CACNA1C: variants seen among roughly 807,000 people sequenced by gnomAD.
CACNA1C encodes calcium voltage-gated channel subunit alpha1 C, also known as voltage-dependent L-type calcium channel subunit alpha-1C.
Under a neutral mutation model 229.0 loss-of-function variants are expected in CACNA1C, and 30 were observed. That is an observed-to-expected ratio of 0.13 (90% CI 0.10 to 0.18). CACNA1C has a LOEUF of 0.18. Among genes scored for constraint, CACNA1C ranks in the 10% least tolerant of loss-of-function variants. CACNA1C has a pLI of 1.00. For missense variants in CACNA1C, 1,658 were observed against 2,845.0 expected, an observed-to-expected ratio of 0.58 and a Z score of 9.49; for synonymous variants, 1,114 against 1,132.5, an observed-to-expected ratio of 0.98 and a Z score of 0.33.
chr12:2,451,132 T>A (rs2099365381), intron 4 of CACNA1C, among the ~76,000 whole-genome samples: 1 of 152,292 alleles, frequency 6.6e-6, no homozygotes, highest in South Asian at 2.1e-4. Flanking sequence ...ATTAGCCAGG[T>A]CTAGCTCTGG....
intron 10 of CACNA1C, among the ~76,000 whole-genome samples, chr12:2,551,902 G>A (rs2154592257): frequency 6.6e-6 from 1 of 152,252 alleles, no homozygotes; most frequent in Middle Eastern, 3.4e-3. Context: ...GTGACCTGCG[G>A]GTGTCATGGA....
At chr12:2,106,580 C>T (rs2078775016) in intron 1 of CACNA1C, among the ~76,000 whole-genome samples, 1 of 121,880 alleles carries the variant, frequency 8.2e-6, no homozygotes, top group Non-Finnish European at 1.8e-5. Flanking sequence ...CCTGAAGCCA[C>T]TGGGTGCTCA....
intron 3 of CACNA1C, among the ~76,000 whole-genome samples, chr12:2,302,226 A>C (rs1370642209): frequency 6.6e-6 from 1 of 151,972 alleles, no homozygotes; most frequent in Non-Finnish European, 1.5e-5. Flanking sequence ...CCCATTCGCC[A>C]TTCTCTCCCA....
At position 2,022,463 on chromosome 12, in the gene CACNA1C, CTT is replaced by C. The variant is rs71057815; in HGVS notation, c.139+51278_139+51279del. On this transcript the variant is annotated intron_variant, in intron 1 of 46. Transcript: ENST00000682462. ...GTGACCAGAAAGATGCCCTAAGGAACTTTTTTTTTTTTTTTTTGAGACAGAGT... is the reference window on the plus strand; with the variant it reads ...GTGACCAGAAAGATGCCCTAAGGAACTTTTTTTTTTTTTTTGAGACAGAGT... Among the ~76,000 whole-genome samples, 704 of 133,556 alleles carry C rather than the reference CTT, an allele frequency of 5.3e-3. 4 individuals are homozygous for C. The highest frequency in any genetic ancestry group is 0.018 in the South Asian group (73 of 4,160). The allele number at this position is 133,556 out of a possible 152,430, so 87.6% of individuals were successfully genotyped here. A position where few individuals can be genotyped will look rare whatever the true frequency, so the allele number is the denominator to read the frequency against.
At chr12:2,241,485 C>T (rs1030913818) in intron 3 of CACNA1C, among the ~76,000 whole-genome samples, 1 of 152,198 alleles carries the variant, frequency 6.6e-6, no homozygotes, top group East Asian at 1.9e-4. Context: ...AATTGCAAAA[C>T]GTGTGCAGCC....
rs2091588431 is a variant in CACNA1C at position 2,633,732 on chromosome 12, C to T, written c.3829-565C>T. ...ACTAATGTGAGTATTACTCTGCCCTCCCCAGGAAACCTCCTCATTCCTCCT... is the reference window on the plus strand; with the variant it reads ...ACTAATGTGAGTATTACTCTGCCCTTCCCAGGAAACCTCCTCATTCCTCCT... On this transcript the variant is annotated intron_variant, in intron 29 of 46. Coordinates refer to ENST00000399655, the MANE Select transcript of CACNA1C (RefSeq NM_000719.7). The surrounding 1 kb of genome is among the most constrained non-coding windows in gnomAD (Gnocchi z 5.8). The T allele has an allele frequency of 4.5e-6, 6 of 1,320,928 alleles. No homozygotes were observed. The highest frequency in any genetic ancestry group is 5.5e-6 in the Non-Finnish European group (5 of 913,768). 81.8% of individuals were successfully genotyped at this position (1,320,928 alleles called of 1,614,324 possible). A position where few individuals can be genotyped will look rare whatever the true frequency, so the allele number is the denominator to read the frequency against.
At chr12:2,600,341 C>CATTTA (rs1322799913) in intron 21 of CACNA1C, among the ~76,000 whole-genome samples, 2 of 152,170 alleles carry the variant, frequency 1.3e-5, no homozygotes, top group Non-Finnish European at 2.9e-5. Flanking sequence ...CTTTGGGACC[C>CATTTA]CCTGCTGCAA....
At chr12:2,035,596 G>T (rs952416551) in intron 1 of CACNA1C, among the ~76,000 whole-genome samples, 1 of 152,224 alleles carries the variant, frequency 6.6e-6, no homozygotes, top group South Asian at 2.1e-4. Context: ...CTGTGTAAGT[G>T]CGCGGACTCA....
At chr12:2,328,447 G>A (rs1567078035) in intron 3 of CACNA1C, among the ~76,000 whole-genome samples, 1 of 152,186 alleles carries the variant, frequency 6.6e-6, no homozygotes, top group Non-Finnish European at 1.5e-5. Flanking sequence ...CCCCAGAATG[G>A]GTGTTAGAAT....
chr12:2,312,665 A>C (rs2095499552), intron 3 of CACNA1C, among the ~76,000 whole-genome samples: 1 of 152,112 alleles, frequency 6.6e-6, no homozygotes, highest in African/African-American at 2.4e-5. Flanking sequence ...ACCCAATACT[A>C]ATAGTGGTCT....
At chr12:2,221,254 G>T (rs542983150) in intron 3 of CACNA1C, among the ~76,000 whole-genome samples, 4 of 152,320 alleles carry the variant, frequency 2.6e-5, no homozygotes, top group Admixed American at 1.3e-4. Context: ...GATCATGACT[G>T]GTAGGGAGGG....
chr12:2,150,497 T>C (rs941257588), intron 3 of CACNA1C, among the ~76,000 whole-genome samples: 1 of 152,146 alleles, frequency 6.6e-6, no homozygotes, highest in Non-Finnish European at 1.5e-5. Flanking sequence ...CATCATGATA[T>C]TCCGCCCTCT....
At chr12:2,272,138 G>A (rs943791941) in intron 3 of CACNA1C, among the ~76,000 whole-genome samples, 5 of 152,126 alleles carry the variant, frequency 3.3e-5, no homozygotes, top group Non-Finnish European at 7.4e-5. Flanking sequence ...TTGCTTGTCT[G>A]GAGATGCAGG....
chr12:2,517,890 T>C (rs7308117), intron 9 of CACNA1C, among the ~76,000 whole-genome samples: 1 of 152,228 alleles, frequency 6.6e-6, no homozygotes, highest in African/African-American at 2.4e-5. Flanking sequence ...CTATTAAATA[T>C]CCATCCTTAC....
intron 45 of CACNA1C, among the ~76,000 whole-genome samples, chr12:2,687,459 C>T (rs1340743847): frequency 6.6e-6 from 1 of 152,128 alleles, no homozygotes; most frequent in Non-Finnish European, 1.5e-5. Flanking sequence ...GGCAGGTTGT[C>T]ATGGCAACAG....
Position 2,585,850 on chromosome 12 carries a change from C to G in CACNA1C, c.2476C>G (p.Leu826Val). ...GACTGTCTAGATCAACATGGATGACCTCCAGCCCAATGAAAATGAGGATAA... is the reference window on the plus strand; with the variant it reads ...GACTGTCTAGATCAACATGGATGACGTCCAGCCCAATGAAAATGAGGATAA... ...PPATKINMDD[L>V]QPNENEDKSP... Residue 826 changes from leucine (L) to valine (V), a missense_variant, in exon 18 of 47, where the codon CTC becomes GTC. By Grantham distance (32) the Leu-to-Val change is conservative. Transcript: ENST00000399655. This position sits in a 1 kb window ranked among gnomAD's most constrained non-coding sequence, Gnocchi z 4.1. 3.1e-6 allele frequency: 5 copies of G among 1,609,010 alleles called. No individual in the cohort carries two copies. Among genetic ancestry groups the G allele is most frequent in the Non-Finnish European group, 4.2e-6 (5 of 1,177,322 alleles).
chr12:2,411,270 T>A (rs2098804429), intron 3 of CACNA1C, among the ~76,000 whole-genome samples: 1 of 151,906 alleles, frequency 6.6e-6, no homozygotes, highest in African/African-American at 2.4e-5. Flanking sequence ...AGGCAGGCCT[T>A]ATATAGACAG....
chr12:2,541,234 T>G (rs545505898), intron 9 of CACNA1C, among the ~76,000 whole-genome samples: 19 of 152,270 alleles, frequency 1.2e-4, no homozygotes, highest in African/African-American at 4.3e-4. Flanking sequence ...CGAGGGGATA[T>G]AACTCAACTC....
intron 3 of CACNA1C, among the ~76,000 whole-genome samples, chr12:2,151,770 A>G (rs911890411): frequency 1.3e-5 from 2 of 152,226 alleles, no homozygotes; most frequent in African/African-American, 4.8e-5. Flanking sequence ...ACACACACGA[A>G]GCTTGTCTTC....
Sources: allele counts gnomAD v4.1 joint callset (sites outside exome capture counted in the v4.1 genomes callset), GRCh38; gene constraint gnomAD v4.1.1; non-coding constraint Gnocchi (gnomAD v3.1); transcripts MANE v1.5; gene names NCBI Gene and HGNC (gene_info 2026-07-23, HGNC 2026-07-21).